NRXN3: variants seen among roughly 807,000 people sequenced by gnomAD.
NRXN3 encodes the protein neurexin 3, also known as neurexin III.
A neutral mutation model predicts 137.6 loss-of-function variants in NRXN3; 32 were observed. That is an observed-to-expected ratio of 0.23 (90% CI 0.18 to 0.31). The LOEUF (loss-of-function observed/expected upper bound fraction) is 0.31. Ranked by LOEUF, NRXN3 falls within the 10% of genes least tolerant of loss-of-function variation. NRXN3 has a pLI of 1.00. For synonymous variants in NRXN3, 798 were observed against 784.5 expected, an observed-to-expected ratio of 1.02 and a Z score of -0.29; for missense variants, 1,574 against 2,062.5, an observed-to-expected ratio of 0.76 and a Z score of 4.59.
intron 15 of NRXN3, among the ~76,000 whole-genome samples, chr14:79,138,634 A>T (rs895155226): frequency 7.9e-5 from 12 of 152,214 alleles, no homozygotes; most frequent in African/African-American, 2.9e-4. Context: ...AAATTATCAG[A>T]CAAAATTATT....
rs1220221011 is a variant in NRXN3 at position 79,738,630 on chromosome 14, C to T, written c.4014+40693C>T. Among the ~76,000 whole-genome samples the T allele has an allele frequency of 2.0e-5, 3 of 152,174 alleles. No homozygotes were observed. In the East Asian group the frequency reaches 5.8e-4, roughly 29 times the overall value. On this transcript the variant is annotated intron_variant, in intron 19 of 20. Transcript: ENST00000335750. The stretch of plus-strand genomic sequence containing the variant: ...CTGGAGTGCAGTGGTGCGATCTTGG[C>T]TCACTGCAACCTCCGCCTCCCGTCT...
chr14:78,375,823 C>T (rs1485498755), intron 4 of NRXN3, among the ~76,000 whole-genome samples: 2 of 152,154 alleles, frequency 1.3e-5, no homozygotes, highest in African/African-American at 4.8e-5. Flanking sequence ...AGAAGGAAAA[C>T]AGCAATTACC....
At chr14:78,481,018 T>C (rs568553516) in intron 4 of NRXN3, among the ~76,000 whole-genome samples, 1 of 152,324 alleles carries the variant, frequency 6.6e-6, no homozygotes, top group African/African-American at 2.4e-5. Context: ...GGGTGGTCAC[T>C]GTAAACCTTG....
Position 79,790,615 on chromosome 14 carries a change from C to CTTTTTT in NRXN3, c.4015-14479_4015-14474dup, listed in dbSNP as rs34493154. Among the ~76,000 whole-genome samples, 32 of 73,128 alleles carry CTTTTTT rather than the reference C, an allele frequency of 4.4e-4. 3 individuals carry two copies. Among genetic ancestry groups the CTTTTTT allele is most frequent in the Admixed American group, 7.0e-4 (4 of 5,686 alleles). The allele number at this position is 73,128 out of a possible 152,430, so 48.0% of individuals were successfully genotyped here. A position where few individuals can be genotyped will look rare whatever the true frequency, so the allele number is the denominator to read the frequency against. On this transcript the variant is annotated intron_variant, in intron 19 of 20. Coordinates refer to ENST00000335750, the MANE Select transcript of NRXN3 (RefSeq NM_001330195.2). ...TGGGCCACTGTGTCTGGCCCAGGCTCTTTTTTTTTTTTTTTTTTTTTTTGA... is the reference window on the plus strand; with the variant it reads ...TGGGCCACTGTGTCTGGCCCAGGCTCTTTTTTTTTTTTTTTTTTTTTTTTTTTTTGA...
intron 15 of NRXN3, among the ~76,000 whole-genome samples, chr14:79,444,592 ACACCAGTAAAT>A (rs1293604515): frequency 6.6e-6 from 1 of 152,198 alleles, no homozygotes; most frequent in African/African-American, 2.4e-5. Context: ...TGGGAGGCTG[ACACCAGTAAAT>A]CACTTGAGGC....
chr14:78,860,445 T>C (rs2099069417), intron 10 of NRXN3, among the ~76,000 whole-genome samples: 1 of 152,124 alleles, frequency 6.6e-6, no homozygotes, highest in Admixed American at 6.6e-5. Context: ...GTCATATATT[T>C]GGTAGGAGAG....
intron 4 of NRXN3, among the ~76,000 whole-genome samples, chr14:78,342,208 G>A (rs943507454): frequency 6.6e-6 from 1 of 152,196 alleles, no homozygotes; most frequent in East Asian, 1.9e-4. Flanking sequence ...TAATGATTTG[G>A]TGACAACACA....
chr14:79,345,607 G>C (rs1028854392), intron 15 of NRXN3, among the ~76,000 whole-genome samples: 1 of 152,134 alleles, frequency 6.6e-6, no homozygotes, highest in Non-Finnish European at 1.5e-5. Flanking sequence ...GGAGGTGATT[G>C]GGTCATGGGA....
intron 10 of NRXN3, among the ~76,000 whole-genome samples, chr14:78,839,350 G>A (rs903631944): frequency 6.6e-6 from 1 of 152,172 alleles, no homozygotes; most frequent in Non-Finnish European, 1.5e-5. Flanking sequence ...TAGAGAGTGT[G>A]GAAAGGGTCA....
At chr14:78,396,734 TCTGA>T (rs1291341249) in intron 4 of NRXN3, among the ~76,000 whole-genome samples, 1 of 152,224 alleles carries the variant, frequency 6.6e-6, no homozygotes, top group South Asian at 2.1e-4. Flanking sequence ...GTCATTTTTC[TCTGA>T]CTGTTTTCAA....
chr14:78,282,683 G>A (rs899513489), intron 3 of NRXN3, among the ~76,000 whole-genome samples: 1 of 152,050 alleles, frequency 6.6e-6, no homozygotes, highest in Non-Finnish European at 1.5e-5. Context: ...TCCCCTACCC[G>A]CTCTTGATCT....
intron 15 of NRXN3, among the ~76,000 whole-genome samples, chr14:79,097,635 T>G (rs1449412637): frequency 6.6e-6 from 1 of 152,254 alleles, no homozygotes; most frequent in African/African-American, 2.4e-5. Flanking sequence ...TGGTTCATTC[T>G]GTGTTTCCTC....
At chr14:78,540,594 T>A (rs912271095) in intron 4 of NRXN3, among the ~76,000 whole-genome samples, 2 of 152,206 alleles carry the variant, frequency 1.3e-5, no homozygotes, top group Admixed American at 1.3e-4. Context: ...TGTCTTTTAA[T>A]TGGGGGCATT....
intron 4 of NRXN3, among the ~76,000 whole-genome samples, chr14:78,612,729 TTCTG>T (rs2097310776): frequency 6.6e-6 from 1 of 152,222 alleles, no homozygotes; most frequent in African/African-American, 2.4e-5. Context: ...ATTGTTTCTT[TTCTG>T]TCTGTAATGC....
chr14:78,582,819 A>C (rs2097016463), intron 4 of NRXN3, among the ~76,000 whole-genome samples: 1 of 152,248 alleles, frequency 6.6e-6, no homozygotes, highest in Non-Finnish European at 1.5e-5. Context: ...TGATGTAGAA[A>C]GTAAATACAT....
chr14:78,981,792 TG>T (rs1304592658), intron 14 of NRXN3, among the ~76,000 whole-genome samples: 1 of 152,210 alleles, frequency 6.6e-6, no homozygotes, highest in East Asian at 1.9e-4. Context: ...TTGAAGCTTT[TG>T]GTTTTTCTCC....
In NRXN3 at chr14:78,645,145, C is replaced by A; in HGVS notation, c.783C>A (p.Phe261Leu). The A allele has an allele frequency of 6.4e-7, 1 of 1,572,300 alleles. No homozygotes were observed. Among genetic ancestry groups the A allele is most frequent in the Non-Finnish European group, 8.6e-7 (1 of 1,165,556 alleles). The change falls in exon 5 of 21, where the codon TTC becomes TTA. Residue 261 changes from phenylalanine to leucine, a missense_variant. This residue lies in a region of NRXN3 where 400 missense variants were observed against 527.3 expected (regional missense o/e 0.76). Coordinates refer to ENST00000335750, the MANE Select transcript of NRXN3 (RefSeq NM_001330195.2). ...CTCGAGAGGAGAATGTGGCCACTTTCCGAGGCTCAGAGTATCTGTGCTACG... is the reference window on the plus strand; with the variant it reads ...CTCGAGAGGAGAATGTGGCCACTTTACGAGGCTCAGAGTATCTGTGCTACG... ...EQAREENVAT[F>L]RGSEYLCYDL...
chr14:79,141,075 T>C (rs117813387), intron 15 of NRXN3, among the ~76,000 whole-genome samples: 3 of 152,340 alleles, frequency 2.0e-5, no homozygotes, highest in Non-Finnish European at 4.4e-5. Flanking sequence ...GTAGCAGTCT[T>C]ACTTATCAAA....
intron 15 of NRXN3, among the ~76,000 whole-genome samples, chr14:79,362,696 G>C (rs2093728349): frequency 6.6e-6 from 1 of 152,156 alleles, no homozygotes; most frequent in Non-Finnish European, 1.5e-5. Flanking sequence ...CAAGAAATCA[G>C]ACCTAGGCAC....
Sources: allele counts gnomAD v4.1 joint callset (sites outside exome capture counted in the v4.1 genomes callset), GRCh38; gene constraint gnomAD v4.1.1; regional missense constraint gnomAD v4.1.1; transcripts MANE v1.5; gene names NCBI Gene and HGNC (gene_info 2026-07-23, HGNC 2026-07-21).